The following CNTLN variants were observed in gnomAD, a reference collection of about 807,000 sequenced individuals.
CNTLN encodes the protein centlein, also known as centlein, centrosomal protein.
In CNTLN, 212 loss-of-function variants were observed where a neutral mutation model predicts 180.0. That is an observed-to-expected ratio of 1.18 (90% CI 1.05 to 1.32). CNTLN has a LOEUF of 1.32. Ranked by LOEUF, CNTLN falls within the 40% of genes most tolerant of loss-of-function variation. CNTLN has a pLI of 0.00. For missense variants in CNTLN, 2,095 were observed against 1,610.9 expected (o/e 1.30, Z -5.14); for synonymous variants, 722 against 563.1 (o/e 1.28, Z -3.99).
At chr9:17,383,181 A>G (rs1384465543) in intron 13 of CNTLN, among the ~76,000 whole-genome samples, 2 of 152,146 alleles carry the variant, frequency 1.3e-5, no homozygotes, top group African/African-American at 4.8e-5. Flanking sequence ...ATCTATATAA[A>G]TGATTTATAC....
intron 14 of CNTLN, among the ~76,000 whole-genome samples, chr9:17,389,880 C>G (rs1259894756): frequency 6.6e-6 from 1 of 151,964 alleles, no homozygotes; most frequent in African/African-American, 2.4e-5. Flanking sequence ...AGATAGGGTC[C>G]TTAAAGAGGT....
At chr9:17,214,985 G>C (rs1382811660) in intron 2 of CNTLN, among the ~76,000 whole-genome samples, 2 of 152,142 alleles carry the variant, frequency 1.3e-5, no homozygotes, top group Admixed American at 6.5e-5. Context: ...TAGCTTCTTT[G>C]TGATGGGTTC....
At chr9:17,329,038 T>C (rs950401450) in intron 8 of CNTLN, among the ~76,000 whole-genome samples, 1 of 152,086 alleles carries the variant, frequency 6.6e-6, no homozygotes, top group African/African-American at 2.4e-5. Flanking sequence ...TTCCTAGCTA[T>C]AGCATTATAA....
Position 17,457,676 on chromosome 9 carries a change from C to A in CNTLN, c.3267C>A (p.Ser1089Arg). Residue 1089 changes from serine (S) to arginine (R), a missense_variant, in exon 19 of 26, where the codon AGC (serine) becomes AGA (arginine). Physicochemically the swap from Ser to Arg is moderately radical, Grantham distance 110 (BLOSUM62 -1). Coordinates refer to ENST00000380647, the MANE Select transcript of CNTLN (RefSeq NM_017738.4). ...TTACATCACTTAGTCCTTCAAGGAG[C>A]ATGGATTTGGAAATGAAGCAATTGC... ...IQVTSLSPSR[S>R]MDLEMKQLQY... 1 of 1,513,836 alleles carries A rather than the reference C, an allele frequency of 6.6e-7. No homozygotes were observed. The highest frequency in any genetic ancestry group is 1.4e-5 in the South Asian group (1 of 71,824). 93.8% of individuals were successfully genotyped at this position (1,513,836 alleles called of 1,614,324 possible).
chr9:17,214,742 C>G (rs564995643), intron 2 of CNTLN, among the ~76,000 whole-genome samples: 3 of 152,276 alleles, frequency 2.0e-5, no homozygotes, highest in African/African-American at 4.8e-5. Context: ...TTCTTGGAGG[C>G]TTTGTTCATT....
chr9:17,374,277 T>A (rs1461233452), intron 13 of CNTLN, among the ~76,000 whole-genome samples: 3 of 152,060 alleles, frequency 2.0e-5, no homozygotes, highest in African/African-American at 7.2e-5. Flanking sequence ...AGGAAAAAAT[T>A]TAATAATCCA....
chr9:17,227,596 C>G (rs1824551117), intron 3 of CNTLN, among the ~76,000 whole-genome samples: 1 of 151,796 alleles, frequency 6.6e-6, no homozygotes. Context: ...CCTTTCTAAC[C>G]AATTAAAGGT....
chr9:17,444,296 T>C (rs1160340), intron 18 of CNTLN: 131,741 of 152,180 alleles, frequency 0.87, 57,137 homozygotes, highest in East Asian at 0.91. Context: ...AGAACTTCTC[T>C]GCTTAAATTT....
At chr9:17,177,633 A>C (rs1820807286) in intron 2 of CNTLN, among the ~76,000 whole-genome samples, 1 of 152,006 alleles carries the variant, frequency 6.6e-6, no homozygotes, top group African/African-American at 2.4e-5. Context: ...GTGAAGCTGC[A>C]GACCTTTGCG....
Position 17,192,239 on chromosome 9 carries a change from CTTT to C in CNTLN, c.450-33949_450-33947del, listed in dbSNP as rs202082553. On this transcript the variant is annotated intron_variant, in intron 2 of 25. Transcript: ENST00000380647. The stretch of plus-strand genomic sequence containing the variant: ...GTAGCCCTCTGAGGTAGGCCCTATT[CTTT>C]TTTTTTTTTTTTTTGAGATGGAGTC... Among the ~76,000 whole-genome samples, 754 of 134,468 alleles carry C rather than the reference CTTT, an allele frequency of 5.6e-3. 6 individuals carry two copies. Among genetic ancestry groups the C allele is most frequent in the Admixed American group, 8.9e-3 (119 of 13,316 alleles). The allele number at this position is 134,468 out of a possible 152,430, so 88.2% of individuals were successfully genotyped here.
At chr9:17,499,947 G>T (rs912679207) in intron 25 of CNTLN, among the ~76,000 whole-genome samples, 2 of 151,978 alleles carry the variant, frequency 1.3e-5, no homozygotes, top group African/African-American at 2.4e-5. Context: ...TAGAAAAATT[G>T]AATTAAAATA....
chr9:17,422,073 G>C (rs997242032), intron 18 of CNTLN, among the ~76,000 whole-genome samples: 7 of 152,246 alleles, frequency 4.6e-5, no homozygotes, highest in African/African-American at 1.7e-4. Context: ...TTGTAGGACA[G>C]ATCTGGTGTT....
intron 19 of CNTLN, among the ~76,000 whole-genome samples, chr9:17,460,511 C>T (rs1831388673): frequency 6.6e-6 from 1 of 151,658 alleles, no homozygotes; most frequent in African/African-American, 2.4e-5. Flanking sequence ...ATTAACTTCT[C>T]GTCAACCTGG....
At chr9:17,334,917 A>G (rs1421107679) in intron 10 of CNTLN, among the ~76,000 whole-genome samples, 2 of 151,914 alleles carry the variant, frequency 1.3e-5, no homozygotes, top group South Asian at 4.2e-4. Context: ...AATTAAAAAA[A>G]AAAAAAAAAA....
rs1308977682 is a variant in CNTLN at position 17,309,093 on chromosome 9, A to C, written c.1182A>C (p.Thr394=). ...AGTTACATATTTGTTTTGAAACCAC[A>C]AAATCAAATGAAGCTATGCTCCGGC... ...YNELHICFET[T]KSNEAMLRQS... The change falls in exon 8 of 26, where the codon ACA becomes ACC. Residue 394 remains threonine, a synonymous_variant. Coordinates refer to ENST00000380647, the MANE Select transcript of CNTLN (RefSeq NM_017738.4). The C allele has an allele frequency of 1.3e-6, 2 of 1,595,854 alleles. No individual in the cohort carries two copies. Among genetic ancestry groups the C allele is most frequent in the Non-Finnish European group, 1.7e-6 (2 of 1,174,656 alleles).
chr9:17,312,369 T>TATATATATAATATATATATATATATATA (rs1819235794), intron 8 of CNTLN, among the ~76,000 whole-genome samples: 1 of 34,406 alleles, frequency 2.9e-5, no homozygotes, highest in African/African-American at 7.9e-5. Context: ...ATATATTATA[T>TATATATATAATATATATATATATATATA]ATATATATAT....
chr9:17,150,498 C>G (rs1485475613), intron 2 of CNTLN, among the ~76,000 whole-genome samples: 1 of 152,098 alleles, frequency 6.6e-6, no homozygotes, highest in Non-Finnish European at 1.5e-5. Context: ...CCATTCTGTT[C>G]CATTGGTCTA....
rs578049352 is a variant in CNTLN, at chr9:17,403,236, G to A, written c.2616-6057G>A. 8.0e-4 allele frequency among the ~76,000 whole-genome samples: 122 copies of A among 151,732 alleles called. 4 individuals are homozygous for A. Among genetic ancestry groups the A allele is most frequent in the Non-Finnish European group, 5.1e-4 (35 of 68,018 alleles). On this transcript the variant is annotated intron_variant, in intron 15 of 25. Coordinates refer to ENST00000380647, the MANE Select transcript of CNTLN (RefSeq NM_017738.4). Reference sequence around the variant, plus strand: ...TTGTATAGATCTTGCCTATTTCACAGCTATCTGAGGGCTTGCTTAATGGGT... The same window carrying A: ...TTGTATAGATCTTGCCTATTTCACAACTATCTGAGGGCTTGCTTAATGGGT...
intron 2 of CNTLN, among the ~76,000 whole-genome samples, chr9:17,160,933 A>T (rs1819633713): frequency 1.3e-5 from 2 of 152,174 alleles, no homozygotes; most frequent in African/African-American, 4.8e-5. Flanking sequence ...AGACCCTCTG[A>T]AAAAGTTAGA....
Sources: allele counts gnomAD v4.1 joint callset (sites outside exome capture counted in the v4.1 genomes callset), GRCh38; gene constraint gnomAD v4.1.1; transcripts MANE v1.5; gene names NCBI Gene and HGNC (gene_info 2026-07-23, HGNC 2026-07-21).